ATIC: variants seen among roughly 807,000 people sequenced by gnomAD.
ATIC encodes the protein bifunctional purine biosynthesis protein ATIC.
Under a neutral mutation model 72.5 loss-of-function variants are expected in ATIC, and 64 were observed. That is an observed-to-expected ratio of 0.88 (90% CI 0.72 to 1.09). The LOEUF (loss-of-function observed/expected upper bound fraction) is 1.09, where lower values mean the gene tolerates loss of function less well. ATIC is among the 50% of genes least tolerant of loss of function. The pLI, the probability that ATIC is intolerant of heterozygous loss-of-function variation, is 0.00. For missense variants in ATIC, 787 were observed against 732.4 expected, an observed-to-expected ratio of 1.07 and a Z score of -0.86; for synonymous variants, 281 against 267.1, an observed-to-expected ratio of 1.05 and a Z score of -0.51.
At chr2:215,318,280 G>T in intron 3 of ATIC, 47 bp downstream of exon 3, 1 of 1,529,672 alleles carries the variant, frequency 6.5e-7, no homozygotes, top group Non-Finnish European at 9.1e-7. Flanking sequence ...TGGTTTCCAG[G>T]AATATTTTAG....
chr2:215,355,621 AT>A, the ATIC span, among the ~76,000 whole-genome samples: 19,059 of 152,166 alleles, frequency 0.13, 1,552 homozygotes, highest in South Asian at 0.22. Context: ...TTTATACCTT[AT>A]TTTTGCCAAA....
At chr2:215,365,966 ATTTT>A in the ATIC span, among the ~76,000 whole-genome samples, 159 of 90,334 alleles carry the variant, frequency 1.8e-3, no homozygotes, top group East Asian at 8.3e-3. Flanking sequence ...CCACAGTGCT[ATTTT>A]TTTTTTTTTT....
At chr2:215,313,698 T>A (rs2052679743) in intron 2 of ATIC, among the ~76,000 whole-genome samples, 2 of 152,218 alleles carry the variant, frequency 1.3e-5, no homozygotes, top group African/African-American at 4.8e-5. Flanking sequence ...CTTTGTGCAG[T>A]TCCCAGCTAT....
chr2:215,341,185 A>G (rs540579434), intron 12 of ATIC, among the ~76,000 whole-genome samples: 7 of 152,290 alleles, frequency 4.6e-5, no homozygotes, highest in South Asian at 4.1e-4. Flanking sequence ...ATCTTTGACA[A>G]TTAATGGTGT....
At chr2:215,312,656 T>C (rs73087587) in intron 2 of ATIC, 32 bp downstream of exon 2, 5 of 1,613,572 alleles carry the variant, frequency 3.1e-6, no homozygotes, top group South Asian at 1.1e-5. Context: ...CAGAAAGGAG[T>C]GTGATCACAT....
intron 2 of ATIC, among the ~76,000 whole-genome samples, chr2:215,313,181 G>C (rs1203758551): frequency 6.6e-6 from 1 of 152,218 alleles, no homozygotes; most frequent in Non-Finnish European, 1.5e-5. Context: ...TGCTGTTCCT[G>C]ATTTTAGGAC....
intron 7 of ATIC, among the ~76,000 whole-genome samples, chr2:215,329,625 T>C: frequency 6.6e-6 from 1 of 152,216 alleles, no homozygotes; most frequent in East Asian, 1.9e-4. Context: ...TTTTAATGAC[T>C]GGTTTGCTTA....
chr2:215,343,113 T>C (rs2053037142), intron 12 of ATIC, among the ~76,000 whole-genome samples: 1 of 152,072 alleles, frequency 6.6e-6, no homozygotes, highest in African/African-American at 2.4e-5. Context: ...AATGGATGAG[T>C]GATCCAATGT....
At chr2:215,315,366 A>C (rs1335484052) in intron 2 of ATIC, among the ~76,000 whole-genome samples, 1 of 151,904 alleles carries the variant, frequency 6.6e-6, no homozygotes, top group Non-Finnish European at 1.5e-5. Flanking sequence ...AGCTATATAT[A>C]TATATTTTTT....
At chr2:215,365,737 GA>G in the ATIC span, 1 of 954,762 alleles carries the variant, frequency 1.0e-6, no homozygotes, top group East Asian at 2.6e-5. Flanking sequence ...CCATGATCTG[GA>G]AAAATAGCAA....
chr2:215,365,039 C>T, the ATIC span: 4 of 1,153,086 alleles, frequency 3.5e-6, no homozygotes, highest in South Asian at 5.3e-5. Context: ...ATACTGCAGA[C>T]TTGATCTAGG....
At position 215,344,567 on chromosome 2, in the gene ATIC, C is replaced by T. The variant is rs1364045666; in HGVS notation, c.1228-212C>T. ...TTAGCCAGGCATGGTGGTGCATGCGCCTGTAATTGAAGTGTGAGAATCTCT... is the reference window on the plus strand; with the variant it reads ...TTAGCCAGGCATGGTGGTGCATGCGTCTGTAATTGAAGTGTGAGAATCTCT... On this transcript the variant is annotated intron_variant, in intron 12 of 15. Transcript: ENST00000236959. Among the ~76,000 whole-genome samples, 3 of 151,816 alleles carry T rather than the reference C, an allele frequency of 2.0e-5. No homozygotes were observed. In the East Asian group the frequency reaches 5.8e-4, roughly 29 times the overall value.
At chr2:215,355,172 A>G in the ATIC span, among the ~76,000 whole-genome samples, 1 of 152,014 alleles carries the variant, frequency 6.6e-6, no homozygotes, top group Admixed American at 6.6e-5. Flanking sequence ...GTTTTCCTTT[A>G]TATGTACTCA....
intron 6 of ATIC, 99 bp from the exon 7 acceptor site, chr2:215,326,723 A>G: frequency 6.9e-7 from 1 of 1,446,810 alleles, no homozygotes; most frequent in Non-Finnish European, 9.7e-7. Context: ...CATAGCACTG[A>G]ATAGTGAGGA....
intron 7 of ATIC, among the ~76,000 whole-genome samples, chr2:215,328,500 C>T (rs1256209037): frequency 6.6e-6 from 1 of 152,058 alleles, no homozygotes; most frequent in Admixed American, 6.6e-5. Context: ...TCCACTCCAG[C>T]GCCTCTGGCT....
At chr2:215,332,772 A>G (rs933951153) in intron 8 of ATIC, among the ~76,000 whole-genome samples, 2 of 152,202 alleles carry the variant, frequency 1.3e-5, no homozygotes, top group African/African-American at 4.8e-5. Context: ...AAATGTCCTA[A>G]TGCAATAGAC....
intron 11 of ATIC, among the ~76,000 whole-genome samples, chr2:215,337,378 T>C (rs1219961263): frequency 2.0e-5 from 3 of 151,362 alleles, no homozygotes; most frequent in African/African-American, 4.8e-5. Flanking sequence ...TTAATACTTA[T>C]TTTTTTTTAG....
At chr2:215,329,126 A>G (rs1157918012) in intron 7 of ATIC, among the ~76,000 whole-genome samples, 2 of 152,198 alleles carry the variant, frequency 1.3e-5, no homozygotes, top group Non-Finnish European at 2.9e-5. Context: ...TGAATGAATA[A>G]TTAGCAACCT....
downstream of ATIC, chr2:215,349,913 A>G (rs2053116753): frequency 1.7e-6 from 1 of 577,156 alleles, no homozygotes; most frequent in Non-Finnish European, 3.0e-6. Flanking sequence ...TGAAACATAA[A>G]CATTAGCAGG....
Sources: allele counts gnomAD v4.1 joint callset (sites outside exome capture counted in the v4.1 genomes callset), GRCh38; gene constraint gnomAD v4.1.1; transcripts MANE v1.5; gene names NCBI Gene and HGNC (gene_info 2026-07-23, HGNC 2026-07-21).